ARID2: variants seen among roughly 807,000 people sequenced by gnomAD.
The protein encoded by ARID2 is AT-rich interaction domain 2, also known as AT-rich interactive domain-containing protein 2.
A neutral mutation model predicts 184.6 loss-of-function variants in ARID2; 32 were observed. The ratio of observed to expected loss-of-function variants is 0.17; its 90% CI spans 0.13 to 0.23. The LOEUF (loss-of-function observed/expected upper bound fraction) is 0.23, where lower values mean the gene tolerates loss of function less well. Among genes scored for constraint, ARID2 ranks in the 10% least tolerant of loss-of-function variants. ARID2 has a pLI of 1.00. For missense variants in ARID2, 1,696 were observed against 2,197.6 expected, an observed-to-expected ratio of 0.77 and a Z score of 4.56; for synonymous variants, 836 against 772.6, an observed-to-expected ratio of 1.08 and a Z score of -1.36.
chr12:45,776,278 C>CTGCT (rs1395966987), intron 3 of ARID2: 1 of 152,522 alleles, frequency 6.6e-6, no homozygotes, highest in African/African-American at 2.4e-5. Context: ...AGTTTAGGAA[C>CTGCT]TGCTCTACAG....
intron 11 of ARID2, chr12:45,846,198 G>GA (rs1943436174): frequency 6.6e-6 from 1 of 151,966 alleles, no homozygotes; most frequent in Non-Finnish European, 1.5e-5. Flanking sequence ...CCTCTTTCAG[G>GA]AAAAAAGTAT....
At chr12:45,875,045 C>T (rs1053131485) in intron 16 of ARID2, among the ~76,000 whole-genome samples, 5 of 152,156 alleles carry the variant, frequency 3.3e-5, no homozygotes, top group African/African-American at 1.2e-4. Context: ...ATCGCTTGAG[C>T]CCAGGAGGCG....
intron 6 of ARID2, among the ~76,000 whole-genome samples, chr12:45,830,481 C>T (rs1015414618): frequency 1.3e-5 from 2 of 152,082 alleles, no homozygotes; most frequent in African/African-American, 4.8e-5. Context: ...CCTTTTGCCT[C>T]CTTTTCTTTG....
chr12:45,860,009 G>A (rs981926632), intron 15 of ARID2, among the ~76,000 whole-genome samples: 3 of 152,100 alleles, frequency 2.0e-5, no homozygotes, highest in Non-Finnish European at 4.4e-5. Context: ...TAGGATTACA[G>A]GCATGAACCA....
At position 45,850,792 on chromosome 12, in the gene ARID2, G is replaced by A. The variant is rs1592119609; in HGVS notation, c.2669G>A (p.Arg890Lys). 1.9e-6 allele frequency: 3 copies of A among 1,614,076 alleles called. No homozygotes were observed. The highest frequency in any genetic ancestry group is 3.3e-4 in the Middle Eastern group (2 of 6,062). Reference sequence around the variant, plus strand: ...GGTGTCCCAAGTCCACAAGCCTCAAGGGTAGGGTTTCAGAACATTGCACCA... The same window carrying A: ...GGTGTCCCAAGTCCACAAGCCTCAAAGGTAGGGTTTCAGAACATTGCACCA... ...IAGVPSPQASRVGFQNIAPKP... is the reference protein window; with the variant it reads ...IAGVPSPQASKVGFQNIAPKP... Residue 890 changes from arginine (R) to lysine (K), a missense_variant, in exon 15 of 21, where the codon AGG (arginine) becomes AAG (lysine). By Grantham distance (26) the Arg-to-Lys change is conservative. Transcript: ENST00000334344.
At chr12:45,899,014 C>T (rs1199667733) in intron 20 of ARID2, among the ~76,000 whole-genome samples, 1 of 151,980 alleles carries the variant, frequency 6.6e-6, no homozygotes, top group Admixed American at 6.6e-5. Context: ...TGGCTCATGC[C>T]TGTAATCCCA....
At chr12:45,809,688 CTATCAAGCTACCTGCT>C (rs1482874724) in intron 3 of ARID2, among the ~76,000 whole-genome samples, 1 of 152,156 alleles carries the variant, frequency 6.6e-6, no homozygotes, top group Non-Finnish European at 1.5e-5. Flanking sequence ...GATTCATTAT[CTATCAAGCTACCTGCT>C]AGGAAAGAGT....
intron 3 of ARID2, among the ~76,000 whole-genome samples, chr12:45,753,705 C>T (rs1480186175): frequency 6.6e-6 from 1 of 152,114 alleles, no homozygotes; most frequent in East Asian, 1.9e-4. Context: ...GCGATCCTCC[C>T]ACCTCAGCCT....
chr12:45,782,784 A>C (rs1163133317), intron 3 of ARID2, among the ~76,000 whole-genome samples: 4 of 151,752 alleles, frequency 2.6e-5, no homozygotes, highest in Non-Finnish European at 5.9e-5. Context: ...CCTAATGAAG[A>C]GATAGGAAAC....
intron 6 of ARID2, among the ~76,000 whole-genome samples, chr12:45,830,410 C>A (rs1490933735): frequency 6.6e-6 from 1 of 152,070 alleles, no homozygotes; most frequent in Non-Finnish European, 1.5e-5. Context: ...GGGGAGTAGG[C>A]CAGTGGTACA....
At chr12:45,873,584 C>T (rs150334890) in intron 16 of ARID2, among the ~76,000 whole-genome samples, 121 of 152,172 alleles carry the variant, frequency 8.0e-4, no homozygotes, top group African/African-American at 2.8e-3. Context: ...ACAGGCATAC[C>T]TCAGAGATAT....
chr12:45,904,842 T>TA, intron 20 of ARID2, 92 bp from the exon 21 acceptor site: 1 of 1,340,660 alleles, frequency 7.5e-7, no homozygotes, highest in Non-Finnish European at 1.0e-6. Flanking sequence ...TATGTATTGT[T>TA]TCTATTTTAG....
intron 3 of ARID2, among the ~76,000 whole-genome samples, chr12:45,791,802 C>G (rs758515067): frequency 6.6e-6 from 1 of 152,106 alleles, no homozygotes; most frequent in Non-Finnish European, 1.5e-5. Context: ...ATAATTCCCA[C>G]CAGCAAGAAA....
chr12:45,867,698 G>A (rs981888231), intron 16 of ARID2, among the ~76,000 whole-genome samples: 10 of 150,740 alleles, frequency 6.6e-5, no homozygotes, highest in South Asian at 2.1e-4. Context: ...AGCCCAGATC[G>A]CGCCACTGCA....
chr12:45,852,939 T>A (rs1943583959), intron 15 of ARID2, 43 bp downstream of exon 15: 3 of 1,492,604 alleles, frequency 2.0e-6, no homozygotes, highest in Middle Eastern at 3.6e-4. Context: ...AAATTTCTGA[T>A]CTGTAAATAC....
chr12:45,813,203 A>T (rs1270111452), intron 4 of ARID2, among the ~76,000 whole-genome samples: 1 of 152,114 alleles, frequency 6.6e-6, no homozygotes, highest in East Asian at 1.9e-4. Context: ...TTGGAGATTC[A>T]TGAAGAGGAA....
At chr12:45,811,380 T>C (rs373958652) in intron 3 of ARID2, 38 bp from the exon 4 acceptor site, 4 of 1,579,786 alleles carry the variant, frequency 2.5e-6, no homozygotes, top group Non-Finnish European at 3.4e-6. Flanking sequence ...GATATAAATC[T>C]ATTTTTAAAT....
chr12:45,810,117 G>A (rs1942677656), intron 3 of ARID2, among the ~76,000 whole-genome samples: 1 of 152,116 alleles, frequency 6.6e-6, no homozygotes, highest in Non-Finnish European at 1.5e-5. Flanking sequence ...CTTTTCTTTG[G>A]TAAATGTAAG....
chr12:45,750,764 G>T (rs1006192004), intron 3 of ARID2, among the ~76,000 whole-genome samples: 1 of 152,074 alleles, frequency 6.6e-6, no homozygotes. Context: ...TATTTGCCAG[G>T]TACTATGCTC....
Sources: gnomAD v4.1 joint callset for allele counts (sites outside exome capture counted in the v4.1 genomes callset) on GRCh38, gnomAD v4.1.1 for gene constraint, MANE v1.5 for transcripts, NCBI Gene and HGNC (gene_info 2026-07-23, HGNC 2026-07-21) for gene names.